GNA14: variants seen among roughly 807,000 people sequenced by gnomAD.
GNA14 encodes the protein guanine nucleotide-binding protein subunit alpha-14.
GNA14 carries 50 observed loss-of-function variants against 42.0 expected under a neutral mutation model. The observed-to-expected ratio is 1.19, with a 90% CI of 0.95 to 1.51. The LOEUF is 1.51. Among genes scored for constraint, GNA14 ranks in the 40% most tolerant of loss-of-function variants. The pLI, the probability that GNA14 is intolerant of heterozygous loss-of-function variation, is 0.00. For missense variants in GNA14, 473 were observed against 446.2 expected, an observed-to-expected ratio of 1.06 and a Z score of -0.54; for synonymous variants, 173 against 163.1, an observed-to-expected ratio of 1.06 and a Z score of -0.46.
intron 3 of GNA14, among the ~76,000 whole-genome samples, chr9:77,431,849 A>C (rs532605908): frequency 6.6e-6 from 1 of 152,250 alleles, no homozygotes; most frequent in South Asian, 2.1e-4. Context: ...CTTGTCCAAG[A>C]GCATTATATA....
At chr9:77,576,540 T>C (rs1351695039) in intron 1 of GNA14, among the ~76,000 whole-genome samples, 1 of 152,170 alleles carries the variant, frequency 6.6e-6, no homozygotes, top group Non-Finnish European at 1.5e-5. Flanking sequence ...AGTTGATGCA[T>C]TTGTGTAGCT....
At chr9:77,433,271 C>A (rs555817120) in intron 3 of GNA14, among the ~76,000 whole-genome samples, 1 of 152,202 alleles carries the variant, frequency 6.6e-6, no homozygotes, top group South Asian at 2.1e-4. Context: ...TGTGAAAGAG[C>A]TGAGCTGCAG....
intron 4 of GNA14, among the ~76,000 whole-genome samples, chr9:77,430,487 G>A (rs1490468699): frequency 1.3e-5 from 2 of 152,222 alleles, no homozygotes; most frequent in African/African-American, 2.4e-5. Context: ...CAGGCACAGA[G>A]GGCTACTATT....
At chr9:77,501,266 A>G (rs1481941956) in intron 2 of GNA14, among the ~76,000 whole-genome samples, 2 of 152,054 alleles carry the variant, frequency 1.3e-5, no homozygotes, top group East Asian at 1.9e-4. Flanking sequence ...CACTCTTAAT[A>G]TAAGAAACTG....
At chr9:77,530,224 G>GT (rs143980950) in intron 1 of GNA14, among the ~76,000 whole-genome samples, 231 of 152,288 alleles carry the variant, frequency 1.5e-3, no homozygotes, top group African/African-American at 5.6e-3. Context: ...CTCATGAATG[G>GT]TTTAGCACCC....
At chr9:77,563,418 T>C (rs1034024675) in intron 1 of GNA14, among the ~76,000 whole-genome samples, 1 of 152,160 alleles carries the variant, frequency 6.6e-6, no homozygotes, top group East Asian at 1.9e-4. Flanking sequence ...AAAACACAGA[T>C]AATGGCTGTA....
chr9:77,573,651 T>G (rs1823091543), intron 1 of GNA14, among the ~76,000 whole-genome samples: 1 of 152,104 alleles, frequency 6.6e-6, no homozygotes, highest in Non-Finnish European at 1.5e-5. Context: ...GGGGAAATCT[T>G]GCACCAAAAT....
At chr9:77,477,754 T>G (rs984206474) in intron 2 of GNA14, among the ~76,000 whole-genome samples, 1 of 152,110 alleles carries the variant, frequency 6.6e-6, no homozygotes, top group Non-Finnish European at 1.5e-5. Flanking sequence ...AAACTTATAA[T>G]TATTATCTCC....
intron 4 of GNA14, among the ~76,000 whole-genome samples, chr9:77,430,101 A>G (rs1230121945): frequency 6.6e-6 from 1 of 152,246 alleles, no homozygotes; most frequent in African/African-American, 2.4e-5. Flanking sequence ...TGACATGTTC[A>G]TGGCTGGCTA....
intron 2 of GNA14, among the ~76,000 whole-genome samples, chr9:77,482,091 T>G (rs561257981): frequency 4.6e-5 from 7 of 152,206 alleles, no homozygotes; most frequent in South Asian, 2.1e-4. Flanking sequence ...GTCCTGTCAT[T>G]ATGATGTTAG....
At chr9:77,499,678 C>G (rs552776528) in intron 2 of GNA14, among the ~76,000 whole-genome samples, 1 of 151,834 alleles carries the variant, frequency 6.6e-6, no homozygotes, top group Admixed American at 6.6e-5. Flanking sequence ...TGGGAAACCC[C>G]GTCTCTACTA....
At chr9:77,589,461 C>A (rs967395704) in intron 1 of GNA14, among the ~76,000 whole-genome samples, 2 of 152,060 alleles carry the variant, frequency 1.3e-5, no homozygotes, top group African/African-American at 4.8e-5. Flanking sequence ...GGAGAACACT[C>A]TTTGTTTAAT....
chr9:77,588,143 C>T (rs1312912708), intron 1 of GNA14, among the ~76,000 whole-genome samples: 6 of 152,116 alleles, frequency 3.9e-5, no homozygotes, highest in Admixed American at 3.3e-4. Flanking sequence ...AACACTCTCC[C>T]GATTTCAAGA....
intron 1 of GNA14, among the ~76,000 whole-genome samples, chr9:77,632,590 C>T (rs1438869362): frequency 1.3e-5 from 2 of 152,274 alleles, no homozygotes; most frequent in Middle Eastern, 3.4e-3. Context: ...CTAGGCGTCC[C>T]CTAAGCCAGG....
At chr9:77,637,106 C>G (rs1386771035) in intron 1 of GNA14, among the ~76,000 whole-genome samples, 1 of 152,136 alleles carries the variant, frequency 6.6e-6, no homozygotes, top group African/African-American at 2.4e-5. Context: ...GTAAAACATA[C>G]ATTTACTGGT....
At chr9:77,595,352 CAGA>C (rs1301663829) in intron 1 of GNA14, among the ~76,000 whole-genome samples, 5 of 152,202 alleles carry the variant, frequency 3.3e-5, no homozygotes, top group Non-Finnish European at 7.3e-5. Flanking sequence ...TTCGTGAGCA[CAGA>C]AGATGATTCT....
At chr9:77,451,996 C>A (rs947937680) in intron 2 of GNA14, among the ~76,000 whole-genome samples, 1 of 152,174 alleles carries the variant, frequency 6.6e-6, no homozygotes, top group Admixed American at 6.5e-5. Flanking sequence ...ACATTTCACT[C>A]AATCTAGTGA....
At chr9:77,637,365 G>GA (rs951900579) in intron 1 of GNA14, among the ~76,000 whole-genome samples, 30 of 152,136 alleles carry the variant, frequency 2.0e-4, no homozygotes, top group Admixed American at 7.9e-4. Context: ...ACTGAAAAGG[G>GA]AAAAAAACAG....
chr9:77,609,643 AGATC>A (rs1823698828), intron 1 of GNA14, among the ~76,000 whole-genome samples: 1 of 152,210 alleles, frequency 6.6e-6, no homozygotes, highest in African/African-American at 2.4e-5. Flanking sequence ...GAGAAGTCCA[AGATC>A]AAGGTGCTGG....
Sources: gnomAD v4.1 joint callset for allele counts (sites outside exome capture counted in the v4.1 genomes callset) on GRCh38, gnomAD v4.1.1 for gene constraint, MANE v1.5 for transcripts, NCBI Gene and HGNC (gene_info 2026-07-23, HGNC 2026-07-21) for gene names.